Variants in GNB4 observed in about 807,000 individuals in gnomAD.
GNB4 encodes the protein guanine nucleotide-binding protein subunit beta-4.
A neutral mutation model predicts 45.2 loss-of-function variants in GNB4; 28 were observed. The ratio of observed to expected loss-of-function variants is 0.62; its 90% CI spans 0.46 to 0.85. GNB4 has a LOEUF of 0.85. Ranked by LOEUF, GNB4 falls within the 40% of genes least tolerant of loss-of-function variation. The probability of loss-of-function intolerance (pLI) is 0.00; values close to 1 mark genes in which losing one functional copy is unlikely to be tolerated. For missense variants in GNB4, 321 were observed against 425.4 expected (o/e 0.75, Z 2.16); for synonymous variants, 132 against 143.7 (o/e 0.92, Z 0.58).
the GNB4 span, among the ~76,000 whole-genome samples, chr3:179,523,483 C>T: frequency 1.3e-5 from 2 of 152,104 alleles, no homozygotes; most frequent in Non-Finnish European, 2.9e-5. Context: ...GGGTTTGGCA[C>T]CACGGGGTGG....
chr3:179,434,446 C>T (rs1434656397), intron 1 of GNB4, among the ~76,000 whole-genome samples: 2 of 152,056 alleles, frequency 1.3e-5, no homozygotes, highest in African/African-American at 2.4e-5. Context: ...ATGGGCCAGG[C>T]GCAGTGGCTC....
the GNB4 span, among the ~76,000 whole-genome samples, chr3:179,519,526 C>T: frequency 8.2e-4 from 125 of 152,304 alleles, no homozygotes; most frequent in Non-Finnish European, 1.4e-3. Flanking sequence ...GGCTTCTAAA[C>T]CTCTTAAAAC....
the GNB4 span, among the ~76,000 whole-genome samples, chr3:179,484,707 T>G: frequency 1.3e-5 from 2 of 152,188 alleles, no homozygotes; most frequent in African/African-American, 2.4e-5. Flanking sequence ...AAATCTGTGA[T>G]GTGCATTCAA....
chr3:179,459,770 C>T, the GNB4 span, among the ~76,000 whole-genome samples: 1 of 152,084 alleles, frequency 6.6e-6, no homozygotes, highest in East Asian at 1.9e-4. Flanking sequence ...GGTTTCATTA[C>T]GAATATTTTA....
At chr3:179,513,484 TACA>T in the GNB4 span, among the ~76,000 whole-genome samples, 3 of 152,186 alleles carry the variant, frequency 2.0e-5, no homozygotes, top group Non-Finnish European at 4.4e-5. Context: ...GCATCTGGCC[TACA>T]ACATTTTTTT....
intron 9 of GNB4, among the ~76,000 whole-genome samples, chr3:179,401,679 T>C (rs577423173): frequency 6.6e-6 from 1 of 152,332 alleles, no homozygotes; most frequent in South Asian, 2.1e-4. Context: ...TACTGAGCTA[T>C]GTATGCTATT....
the GNB4 span, among the ~76,000 whole-genome samples, chr3:179,489,426 G>A: frequency 2.0e-5 from 3 of 151,746 alleles, no homozygotes; most frequent in East Asian, 5.8e-4. Context: ...TTTGAAGCCA[G>A]GGGAGTTCAA....
At chr3:179,465,072 A>G in the GNB4 span, 2 of 1,475,702 alleles carry the variant, frequency 1.4e-6, no homozygotes, top group Non-Finnish European at 9.5e-7. Flanking sequence ...TTGAAGAAAC[A>G]TACAATTCTT....
chr3:179,518,072 G>T, the GNB4 span, among the ~76,000 whole-genome samples: 1 of 151,760 alleles, frequency 6.6e-6, no homozygotes, highest in Non-Finnish European at 1.5e-5. Context: ...CTCTGGACTT[G>T]CCTCCTTCAC....
At chr3:179,447,076 G>C (rs1577041995) in intron 1 of GNB4, among the ~76,000 whole-genome samples, 1 of 152,174 alleles carries the variant, frequency 6.6e-6, no homozygotes, top group South Asian at 2.1e-4. Flanking sequence ...AAAACTGCAA[G>C]AACTTCAAGA....
At chr3:179,487,578 C>T in the GNB4 span, among the ~76,000 whole-genome samples, 1 of 152,106 alleles carries the variant, frequency 6.6e-6, no homozygotes, top group Non-Finnish European at 1.5e-5. Flanking sequence ...AAAACAGTAG[C>T]AATAAGATAC....
chr3:179,521,581 C>T, the GNB4 span, among the ~76,000 whole-genome samples: 1 of 152,320 alleles, frequency 6.6e-6, no homozygotes, highest in Admixed American at 6.5e-5. Flanking sequence ...ATGCCCTGCT[C>T]TTGTTTACGC....
chr3:179,506,146 C>T, the GNB4 span, among the ~76,000 whole-genome samples: 4 of 152,100 alleles, frequency 2.6e-5, no homozygotes, highest in Non-Finnish European at 4.4e-5. Flanking sequence ...CATTTGAAAC[C>T]AGCCTGGGTA....
At chr3:179,416,592 G>A in intron 4 of GNB4, 36 bp from the exon 5 acceptor site, 1 of 1,377,080 alleles carries the variant, frequency 7.3e-7, no homozygotes. Flanking sequence ...TTGACACTTA[G>A]AGGGAAAAAA....
chr3:179,403,731 G>A (rs1714375670), intron 9 of GNB4, among the ~76,000 whole-genome samples: 1 of 151,738 alleles, frequency 6.6e-6, no homozygotes, highest in African/African-American at 2.4e-5. Context: ...CTGGGAGGCA[G>A]AGGCTGCAGT....
At chr3:179,516,127 G>C in the GNB4 span, among the ~76,000 whole-genome samples, 1 of 152,172 alleles carries the variant, frequency 6.6e-6, no homozygotes, top group Admixed American at 6.5e-5. Context: ...CTATTCTTGA[G>C]AGAGTCCTCT....
the GNB4 span, among the ~76,000 whole-genome samples, chr3:179,477,047 C>T: frequency 2.0e-5 from 3 of 152,140 alleles, no homozygotes; most frequent in African/African-American, 7.2e-5. Context: ...GTCTGCCCTT[C>T]TAGAGCTCTG....
chr3:179,408,775 G>C (rs1714553387), intron 8 of GNB4, among the ~76,000 whole-genome samples: 7 of 150,794 alleles, frequency 4.6e-5, no homozygotes, highest in Admixed American at 4.6e-4. Flanking sequence ...CTGGGTGACA[G>C]AGCGAGAGTC....
chr3:179,524,389 T>G, the GNB4 span, among the ~76,000 whole-genome samples: 1 of 152,252 alleles, frequency 6.6e-6, no homozygotes, highest in South Asian at 2.1e-4. Context: ...TTCTGGCACT[T>G]GAAGCAAGAT....
Sources: gnomAD v4.1 joint callset for allele counts (sites outside exome capture counted in the v4.1 genomes callset) on GRCh38, gnomAD v4.1.1 for gene constraint, MANE v1.5 for transcripts, NCBI Gene and HGNC (gene_info 2026-07-23, HGNC 2026-07-21) for gene names.